The following ATM variants were observed in gnomAD, a reference collection of about 807,000 sequenced individuals.
The protein encoded by ATM is serine-protein kinase ATM.
In ATM, 308 loss-of-function variants were observed where a neutral mutation model predicts 387.0. The observed-to-expected ratio is 0.80, with a 90% CI of 0.73 to 0.87. ATM has a LOEUF of 0.87. ATM is among the 40% of genes least tolerant of loss of function. The pLI is 0.00. For missense variants in ATM, 3,312 were observed against 3,560.9 expected (o/e 0.93, Z 1.78); for synonymous variants, 1,156 against 1,187.3 (o/e 0.97, Z 0.54).
rs2086231411 is a variant in ATM at position 108,331,517 on chromosome 11, A to G, written c.7589A>G (p.Lys2530Arg). 1 of 1,613,462 alleles carries G rather than the reference A, an allele frequency of 6.2e-7. No homozygotes were observed. Among genetic ancestry groups the G allele is most frequent in the Non-Finnish European group, 8.5e-7 (1 of 1,179,722 alleles). Residue 2530 changes from lysine to arginine, a missense_variant, in exon 51 of 63, where the codon AAG becomes AGG. By Grantham distance (26) the Lys-to-Arg change is conservative (BLOSUM62 2). Coordinates refer to ENST00000675843, the MANE Select transcript of ATM (RefSeq NM_000051.4). The stretch of plus-strand genomic sequence containing the variant: ...CAATTGGCTGCTAGAATGGGGACCA[A>G]GATGATGGGAGGCCTAGGATTTCAT... ...MYQLAARMGT[K>R]MMGGLGFHEV...
intron 51 of ATM, 126 bp from the exon 52 acceptor site, chr11:108,331,753 A>G (rs1033270618): frequency 4.6e-6 from 6 of 1,303,038 alleles, no homozygotes; most frequent in African/African-American, 1.5e-5. Context: ...TCACACATGC[A>G]GGCATACACG....
intron 33 of ATM, among the ~76,000 whole-genome samples, chr11:108,298,349 A>T (rs2083234023): frequency 6.6e-6 from 1 of 152,226 alleles, no homozygotes; most frequent in Admixed American, 6.5e-5. Flanking sequence ...TGTAGATTTT[A>T]AAAAATTGAG....
Position 108,292,626 on chromosome 11 carries a change from T to C in ATM, c.4444T>C (p.Cys1482Arg), listed in dbSNP as rs752559455. The change falls in exon 30 of 63, where the codon TGT (cysteine) becomes CGT (arginine). Residue 1482 changes from cysteine to arginine, a missense_variant. By Grantham distance (180) the Cys-to-Arg change is radical (BLOSUM62 -3). Around this residue, in one of 4 missense-constraint regions of ATM, gnomAD observed 1,791 missense variants for 1,804.5 expected, o/e 0.99. Coordinates refer to ENST00000675843, the MANE Select transcript of ATM (RefSeq NM_000051.4). Reference sequence around the variant, plus strand: ...TTTTTCTCCCTATATTAGGCCTTCTTGTATCATGGATGTGTCATTACGTAG... The same window carrying C: ...TTTTTCTCCCTATATTAGGCCTTCTCGTATCATGGATGTGTCATTACGTAG... ...LIHYINQRPS[C>R]IMDVSLRSFS... 3.7e-6 allele frequency: 6 copies of C among 1,613,870 alleles called. No homozygotes were observed. In the African/African-American group the frequency reaches 8.0e-5, roughly 22 times the overall value.
chr11:108,343,120 A>T (rs759211155), intron 56 of ATM, 102 bp from the exon 57 acceptor site: 40 of 1,450,996 alleles, frequency 2.8e-5, no homozygotes, highest in Non-Finnish European at 3.8e-5. Context: ...TATTAATACA[A>T]CTTGAAAAAA....
chr11:108,272,562 C>T lies in ATM; in HGVS notation c.3108C>T (p.Phe1036=), dbSNP rs867514913. The change falls in exon 21 of 63, where the codon TTC becomes TTT. Residue 1036 remains phenylalanine (F), a synonymous_variant. Transcript: ENST00000675843. ...TAACAAAGGAGAGGAAATATATATT[C>T]TCTGTAAGAATGGCCCTAGTAAATT... The part of the protein sequence containing the change: ...WHLTKERKYI[F]SVRMALVNCL... The T allele has an allele frequency of 4.3e-6, 7 of 1,613,520 alleles. No individual in the cohort carries two copies. In the Middle Eastern group the frequency reaches 8.2e-4, roughly 190 times the overall value.
intron 57 of ATM, among the ~76,000 whole-genome samples, chr11:108,344,045 C>T (rs915087847): frequency 2.6e-5 from 4 of 152,152 alleles, no homozygotes; most frequent in Non-Finnish European, 5.9e-5. Flanking sequence ...AGAACTTGCC[C>T]AAGGCCAGTG....
rs1555106445 is a variant in ATM, at chr11:108,302,935, A to G, written c.5402A>G (p.Asn1801Ser). Residue 1801 changes from asparagine (N) to serine (S), a missense_variant, in exon 36 of 63, where the codon AAT becomes AGT. Asn to Ser is a conservative substitution (Grantham distance 46). Coordinates refer to ENST00000675843, the MANE Select transcript of ATM (RefSeq NM_000051.4). ...DINLWIPLSE[N>S]HDIWIKTLTC... is the part of the protein sequence containing the mutation. ...AATCTGTGGATTCCTCTAAGTGAAA[A>G]TCATGACATTTGGATAAAGACACTG... The G allele has an allele frequency of 1.2e-6, 2 of 1,613,496 alleles. No homozygotes were observed. Among genetic ancestry groups the G allele is most frequent in the South Asian group, 1.1e-5 (1 of 91,068 alleles).
Position 108,282,722 on chromosome 11 carries a change from G to C in ATM, c.3589G>C (p.Val1197Leu), listed in dbSNP as rs879254024. 1 of 1,613,004 alleles carries C rather than the reference G, an allele frequency of 6.2e-7. No individual in the cohort carries two copies. Among genetic ancestry groups the C allele is most frequent in the Admixed American group, 1.7e-5 (1 of 59,906 alleles). Residue 1197 changes from valine (V) to leucine (L), a missense_variant, in exon 25 of 63, where the codon GTT becomes CTT. Physicochemically the swap from Val to Leu is conservative, Grantham distance 32. This residue lies in a region of ATM where 1,791 missense variants were observed against 1,804.5 expected (regional missense o/e 0.99). Coordinates refer to ENST00000675843, the MANE Select transcript of ATM (RefSeq NM_000051.4). ...PHLVKKVLEKVSETFGYRRLE... is the reference protein window; with the variant it reads ...PHLVKKVLEKLSETFGYRRLE... ...TTGGTTCGTGCAGGTTTTAGAGAAA[G>C]TTTCTGAAACTTTTGGATATAGACG...
chr11:108,329,278 G>A (rs1488071646), intron 49 of ATM, 40 bp downstream of exon 49: 6 of 1,526,416 alleles, frequency 3.9e-6, no homozygotes, highest in Non-Finnish European at 5.4e-6. Flanking sequence ...ATGTTCACCA[G>A]TTAACTGAGT....
chr11:108,313,269 C>A (rs932663467), intron 40 of ATM, among the ~76,000 whole-genome samples: 2 of 152,134 alleles, frequency 1.3e-5, no homozygotes, highest in Non-Finnish European at 2.9e-5. Context: ...CATTTTAAAA[C>A]CTCTCCTGTT....
At chr11:108,275,202 C>G (rs1005323329) in intron 22 of ATM, among the ~76,000 whole-genome samples, 48 of 151,838 alleles carry the variant, frequency 3.2e-4, no homozygotes, top group African/African-American at 1.1e-3. Context: ...TTTTTTCTTT[C>G]TATTTGCTTG....
chr11:108,357,186 C>G (rs921555295), intron 61 of ATM, among the ~76,000 whole-genome samples: 1 of 152,192 alleles, frequency 6.6e-6, no homozygotes, highest in Non-Finnish European at 1.5e-5. Flanking sequence ...GGGTGACAGA[C>G]GGCACCTGGA....
rs1010206130 is a variant in ATM, at chr11:108,343,323, A to C, written c.8370A>C (p.Arg2790Ser). 1 of 1,613,964 alleles carries C rather than the reference A, an allele frequency of 6.2e-7. No homozygotes were observed. The highest frequency in any genetic ancestry group is 1.3e-5 in the African/African-American group (1 of 74,928). ...ACAATGAAGATGGTGCTCATAAAAG[A>C]TACAGGCCAAATGATTTCAGTGCCT... Reference protein sequence around the residue: ...LVNNEDGAHKRYRPNDFSAFQ... With the variant: ...LVNNEDGAHKSYRPNDFSAFQ... The change falls in exon 57 of 63, where the codon AGA becomes AGC. Residue 2790 changes from arginine (R) to serine (S), a missense_variant. Physicochemically the swap from Arg to Ser is moderately radical, Grantham distance 110. Around this residue, in one of 4 missense-constraint regions of ATM, gnomAD observed 1,405 missense variants for 1,604.4 expected, o/e 0.88. Coordinates refer to ENST00000675843, the MANE Select transcript of ATM (RefSeq NM_000051.4).
Position 108,330,415 on chromosome 11 carries a change from G to A in ATM, c.7509G>A (p.Met2503Ile), listed in dbSNP as rs1266101531. 6.2e-7 allele frequency: 1 copy of A among 1,614,090 alleles called. No homozygotes were observed. Among genetic ancestry groups the A allele is most frequent in the Non-Finnish European group, 8.5e-7 (1 of 1,179,962 alleles). ...CTGGAGTTTCTGAAGTCAATGGCAT[G>A]ATGAAGGCAAGTGTTACTCAGCCCA... The part of the protein sequence containing the change: ...ENSGVSEVNG[M>I]MKRDGMKIPT... Residue 2503 changes from methionine to isoleucine, a missense_variant, in exon 50 of 63, where the codon ATG becomes ATA. Coordinates refer to ENST00000675843, the MANE Select transcript of ATM (RefSeq NM_000051.4).
At chr11:108,292,899 G>T in intron 30 of ATM, 106 bp downstream of exon 30, 1 of 1,364,178 alleles carries the variant, frequency 7.3e-7, no homozygotes, top group East Asian at 2.4e-5. Context: ...ATTTTATTGA[G>T]AATATTTTTT....
Position 108,235,680 on chromosome 11 carries a change from G to T in ATM, c.342G>T (p.Arg114Ser), listed in dbSNP as rs1555059036. The T allele has an allele frequency of 6.2e-7, 1 of 1,609,426 alleles. No homozygotes were observed. The highest frequency in any genetic ancestry group is 8.5e-7 in the Non-Finnish European group (1 of 1,176,502). ...FIKCANRRAP[R>S]LKCQELLNYI... ...TTTATTTTGAAATAGGAGCACCTAG[G>T]CTAAAATGTCAAGAACTCTTAAATT... Residue 114 changes from arginine to serine, a missense_variant, in exon 5 of 63, where the codon AGG becomes AGT. Around this residue, in one of 4 missense-constraint regions of ATM, gnomAD observed 1,791 missense variants for 1,804.5 expected, o/e 0.99. Coordinates refer to ENST00000675843, the MANE Select transcript of ATM (RefSeq NM_000051.4).
intron 38 of ATM, chr11:108,309,023 A>C (rs1022813136): frequency 1.3e-6 from 2 of 1,527,264 alleles, no homozygotes; most frequent in African/African-American, 2.7e-5. Flanking sequence ...AGAAGATAAA[A>C]ATTCTTCATA....
Position 108,246,952 on chromosome 11 carries a change from T to C in ATM, c.902-12T>C. 6.3e-7 allele frequency: 1 copy of C among 1,598,800 alleles called. No homozygotes were observed. The highest frequency in any genetic ancestry group is 2.2e-5 in the East Asian group (1 of 44,724). On this transcript the variant is annotated splice_polypyrimidine_tract_variant and intron_variant, in intron 7 of 62. Transcript: ENST00000675843. ...ATACATAAAAATTACATTTTAATTT[T>C]TTGGATTACAGGTGCTTATGAATCA...
intron 37 of ATM, among the ~76,000 whole-genome samples, chr11:108,305,529 A>G (rs1054493074): frequency 4.6e-5 from 7 of 152,258 alleles, no homozygotes; most frequent in East Asian, 1.9e-4. Context: ...CCTGAGGCTC[A>G]CTAGCCAAGA....
Sources: gnomAD v4.1 joint callset for allele counts (sites outside exome capture counted in the v4.1 genomes callset) on GRCh38, gnomAD v4.1.1 for gene constraint, gnomAD v4.1.1 regional missense constraint, MANE v1.5 for transcripts, NCBI Gene and HGNC (gene_info 2026-07-23, HGNC 2026-07-21) for gene names.